The following SPDYE1 variants were observed in gnomAD, a reference collection of about 807,000 sequenced individuals.
SPDYE1 encodes the protein speedy protein E1.
SPDYE1 carries 29 observed loss-of-function variants against 45.9 expected under a neutral mutation model. The observed-to-expected ratio is 0.63, with a 90% CI of 0.47 to 0.86. The LOEUF (loss-of-function observed/expected upper bound fraction) is 0.86, where lower values mean the gene tolerates loss of function less well. Among genes scored for constraint, SPDYE1 ranks in the 40% least tolerant of loss-of-function variants. The pLI is 0.00. For synonymous variants in SPDYE1, 134 were observed against 176.8 expected, an observed-to-expected ratio of 0.76 and a Z score of 1.92; for missense variants, 346 against 481.4, an observed-to-expected ratio of 0.72 and a Z score of 2.63.
intron 6 of SPDYE1, among the ~76,000 whole-genome samples, chr7:44,005,760 A>C (rs1337668318): frequency 6.6e-6 from 1 of 150,450 alleles, no homozygotes; most frequent in Admixed American, 6.7e-5. Flanking sequence ...ACCATAAACC[A>C]CTCCTAAGGG....
chr7:44,006,828 G>A (rs937695511), intron 6 of SPDYE1, among the ~76,000 whole-genome samples: 13 of 152,096 alleles, frequency 8.5e-5, no homozygotes, highest in African/African-American at 2.9e-4. Context: ...TGACCAGGCT[G>A]GTCTCCAACT....
At position 44,009,277 on chromosome 7, in the gene SPDYE1, T is replaced by TAA. The variant is rs1282902347; in HGVS notation, c.*656_*657insAA. 1.4e-5 allele frequency: 1 copy of TAA among 71,252 alleles called. No homozygotes were observed. The highest frequency in any genetic ancestry group is 3.8e-4 in the East Asian group (1 of 2,600). 4.4% of individuals were successfully genotyped at this position (71,252 alleles called of 1,614,324 possible). A position where few individuals can be genotyped will look rare whatever the true frequency, so the allele number is the denominator to read the frequency against. On this transcript the variant is annotated 3_prime_UTR_variant, in exon 9 of 9. Transcript: ENST00000693451. Reference sequence around the variant, plus strand: ...CATAAAGATAATTTTCTTTTCATTTTTGAGACAATTCTTTTTATCCTAAAT... The same window carrying TAA: ...CATAAAGATAATTTTCTTTTCATTTTAATGAGACAATTCTTTTTATCCTAAAT...
chr7:44,009,472 T>A lies in SPDYE1; in HGVS notation c.*851T>A, dbSNP rs1270652802. The A allele has an allele frequency of 6.6e-6, 1 of 151,730 alleles. No individual in the cohort carries two copies. Among genetic ancestry groups the A allele is most frequent in the Admixed American group, 6.6e-5 (1 of 15,222 alleles). 9.4% of individuals were successfully genotyped at this position (151,730 alleles called of 1,614,324 possible). ...TTGCTGTTTAGGTTTGTGACTGAAT[T>A]GTGAGAATTCAGTTGTGATTTTTAA... On this transcript the variant is annotated 3_prime_UTR_variant, in exon 9 of 9. Transcript: ENST00000693451.
Position 44,001,049 on chromosome 7 carries a change from C to T in SPDYE1, c.161-17C>T, listed in dbSNP as rs1420621688. 12 of 1,597,268 alleles carry T rather than the reference C, an allele frequency of 7.5e-6. No homozygotes were observed. The highest frequency in any genetic ancestry group is 2.2e-4 in the Middle Eastern group (1 of 4,640). ...AGATGCAGAAGCATTACACAGTGGCCTGGTTTCTTTACTCAGCCCCTGGGG... is the reference window on the plus strand; with the variant it reads ...AGATGCAGAAGCATTACACAGTGGCTTGGTTTCTTTACTCAGCCCCTGGGG... On this transcript the variant is annotated splice_polypyrimidine_tract_variant and intron_variant, in intron 2 of 8. Coordinates refer to ENST00000693451, the MANE Select transcript of SPDYE1 (RefSeq NM_001378423.2).
chr7:44,005,143 A>AT lies in SPDYE1; in HGVS notation c.669dup (p.Leu224SerfsTer33), dbSNP rs745688726. 1 of 1,611,386 alleles carries AT rather than the reference A, an allele frequency of 6.2e-7. No homozygotes were observed. Among genetic ancestry groups the AT allele is most frequent in the African/African-American group, 1.3e-5 (1 of 74,680 alleles). On this transcript the variant is annotated frameshift_variant and splice_region_variant, in exon 6 of 9. Coordinates refer to ENST00000693451, the MANE Select transcript of SPDYE1 (RefSeq NM_001378423.2). LOFTEE classifies it high-confidence loss of function. ...TCTGTGTTCCTTTCTCTCCATCAGT[A>AT]TCTCCTTGCTATGGTCATAGCGTAT...
chr7:43,999,106 T>C (rs1309863268), intron 1 of SPDYE1, among the ~76,000 whole-genome samples: 2 of 152,050 alleles, frequency 1.3e-5, no homozygotes, highest in Non-Finnish European at 2.9e-5. Context: ...CTAGAGTTTC[T>C]TAGCCGAACT....
rs767234849 is a variant in SPDYE1, at chr7:44,007,495, G to A, written c.980G>A (p.Arg327His). 9.3e-6 allele frequency: 15 copies of A among 1,613,692 alleles called. No individual in the cohort carries two copies. Among genetic ancestry groups the A allele is most frequent in the South Asian group, 4.4e-5 (4 of 91,076 alleles). ...RCMNPRARKN[R>H]SQIVLFQKRR... ...ATGAACCCGAGGGCCAGGAAGAACC[G>A]CTCTCAGATAGTCCTGTTCCAGAAA... is the stretch of plus-strand genomic sequence containing the variant. Residue 327 changes from arginine (R) to histidine (H), a missense_variant, in exon 7 of 9, where the codon CGC becomes CAC. Coordinates refer to ENST00000693451, the MANE Select transcript of SPDYE1 (RefSeq NM_001378423.2).
chr7:44,005,368 T>C, intron 6 of SPDYE1, 141 bp downstream of exon 6: 2 of 1,278,086 alleles, frequency 1.6e-6, no homozygotes, highest in Admixed American at 1.8e-5. Context: ...TATACTATCA[T>C]AGACTGTTGT....
intron 4 of SPDYE1, among the ~76,000 whole-genome samples, chr7:44,003,489 G>A (rs1449651792): frequency 6.6e-6 from 1 of 152,250 alleles, no homozygotes; most frequent in African/African-American, 2.4e-5. Flanking sequence ...CATCCATAGT[G>A]GGGGATACCA....
rs1204434798 is a variant in SPDYE1 at position 44,008,859 on chromosome 7, T to G, written c.*238T>G. On this transcript the variant is annotated 3_prime_UTR_variant, in exon 9 of 9. Transcript: ENST00000693451. ...GGGTGGGGGGAGGGGGATGGGGTCC[T>G]TCTAGGAGTCCTTGGAGAAAAGTAA... 5 of 517,180 alleles carry G rather than the reference T, an allele frequency of 9.7e-6. No individual in the cohort carries two copies. The highest frequency in any genetic ancestry group is 1.9e-5 in the Non-Finnish European group (5 of 260,488). 32.0% of individuals were successfully genotyped at this position (517,180 alleles called of 1,614,324 possible).
intron 6 of SPDYE1, 116 bp from the exon 7 acceptor site, chr7:44,007,152 G>A: frequency 1.3e-6 from 2 of 1,594,952 alleles, no homozygotes; most frequent in Non-Finnish European, 1.7e-6. Context: ...TCTCTGCAGG[G>A]TGGGTGCCAG....
At position 44,009,847 on chromosome 7, in the gene SPDYE1, T is replaced by C. The variant is rs2096076702; in HGVS notation, c.*1226T>C. 1 of 151,832 alleles carries C rather than the reference T, an allele frequency of 6.6e-6. No homozygotes were observed. Among genetic ancestry groups the C allele is most frequent in the African/African-American group, 2.4e-5 (1 of 41,394 alleles). 9.4% of individuals were successfully genotyped at this position (151,832 alleles called of 1,614,324 possible). ...ATTACACGTGCTGCTGAAGGGAGCA[T>C]GGTTTTTATCTATGATACTTAGTTA... On this transcript the variant is annotated 3_prime_UTR_variant, in exon 9 of 9. Coordinates refer to ENST00000693451, the MANE Select transcript of SPDYE1 (RefSeq NM_001378423.2).
rs537046205 is a variant in SPDYE1, at chr7:44,009,605, A to G, written c.*984A>G. ...TAAATATTATTTTATTTATTTAAAT[A>G]TTTATTAAATATATTTATTTATTTA... On this transcript the variant is annotated 3_prime_UTR_variant, in exon 9 of 9. Coordinates refer to ENST00000693451, the MANE Select transcript of SPDYE1 (RefSeq NM_001378423.2). The G allele has an allele frequency of 2.8e-4, 42 of 148,398 alleles. No homozygotes were observed. The highest frequency in any genetic ancestry group is 1.0e-3 in the African/African-American group (41 of 40,992). The allele number at this position is 148,398 out of a possible 1,614,324, so 9.2% of individuals were successfully genotyped here. A position where few individuals can be genotyped will look rare whatever the true frequency, so the allele number is the denominator to read the frequency against.
Position 44,007,698 on chromosome 7 carries a change from T to C in SPDYE1, c.1072-11T>C. Reference sequence around the variant, plus strand: ...AGTCCCCGTCTTCTCAAAGGGCGTTTGTTTTTCCAGATCCAGGCTTATGAC... The same window carrying C: ...AGTCCCCGTCTTCTCAAAGGGCGTTCGTTTTTCCAGATCCAGGCTTATGAC... On this transcript the variant is annotated splice_polypyrimidine_tract_variant and intron_variant, in intron 7 of 8. Transcript: ENST00000693451. The C allele has an allele frequency of 6.2e-7, 1 of 1,610,278 alleles. No homozygotes were observed. The highest frequency in any genetic ancestry group is 1.3e-5 in the African/African-American group (1 of 74,864).
In SPDYE1 at chr7:44,002,767, G is replaced by A; in HGVS notation, c.557G>A (p.Arg186Gln). The change falls in exon 4 of 9, where the codon CGA becomes CAA. Residue 186 changes from arginine to glutamine, a missense_variant. This residue lies in a region of SPDYE1 where 141 missense variants were observed against 176.7 expected (regional missense o/e 0.80). Transcript: ENST00000693451. ...CTCAAGATGAAGCTGAAGCGACGGC[G>A]AGTGTCGCTCGTGCTCCCTGAGCAC... ...CGLKMKLKRR[R>Q]VSLVLPEHHE... 8 of 1,563,564 alleles carry A rather than the reference G, an allele frequency of 5.1e-6. No individual in the cohort carries two copies. Among genetic ancestry groups the A allele is most frequent in the South Asian group, 3.4e-5 (3 of 87,384 alleles).
In SPDYE1 at chr7:44,001,085, C is replaced by T. The variant is rs554021664; in HGVS notation, c.180C>T (p.Ser60=). ...LGPSAPGVDP[S]PPCRSLGWKR... ...ACTCAGCCCCTGGGGTAGATCCCAG[C>T]CCCCCATGTAGGTCCCTTGGCTGGA... The change falls in exon 3 of 9, where the codon AGC becomes AGT. Residue 60 remains serine (S), a synonymous_variant. Coordinates refer to ENST00000693451, the MANE Select transcript of SPDYE1 (RefSeq NM_001378423.2). 5.9e-5 allele frequency: 95 copies of T among 1,597,614 alleles called. 1 individual carries two copies. The South Asian group carries it at 8.7e-4, about 15-fold the overall frequency.
intron 2 of SPDYE1, among the ~76,000 whole-genome samples, chr7:44,000,556 C>T (rs1401571029): frequency 2.6e-5 from 4 of 151,814 alleles, no homozygotes; most frequent in Non-Finnish European, 5.9e-5. Context: ...CTTTGGGAGG[C>T]CAAGGCAGGC....
chr7:43,998,190 TCCTAA>T (rs2096058037), intron 1 of SPDYE1, among the ~76,000 whole-genome samples: 1 of 152,044 alleles, frequency 6.6e-6, no homozygotes, highest in Non-Finnish European at 1.5e-5. Context: ...AAGCAGAGCT[TCCTAA>T]CAATGGGACT....
At chr7:44,006,563 C>T (rs1415174309) in intron 6 of SPDYE1, among the ~76,000 whole-genome samples, 1 of 151,712 alleles carries the variant, frequency 6.6e-6, no homozygotes, top group Non-Finnish European at 1.5e-5. Flanking sequence ...CCCACCTCAG[C>T]TTCTTTATTA....
Sources: allele counts gnomAD v4.1 joint callset (sites outside exome capture counted in the v4.1 genomes callset), GRCh38; gene constraint gnomAD v4.1.1; regional missense constraint gnomAD v4.1.1; transcripts MANE v1.5; gene names NCBI Gene and HGNC (gene_info 2026-07-23, HGNC 2026-07-21).